Variants in GLRA2 observed in about 807,000 individuals in gnomAD.
The protein encoded by GLRA2 is glycine receptor alpha 2.
A neutral mutation model predicts 31.6 loss-of-function variants in GLRA2; 11 were observed. The observed-to-expected ratio is 0.35, with a 90% confidence interval of 0.22 to 0.58. The LOEUF (loss-of-function observed/expected upper bound fraction) is 0.58. GLRA2 is among the 20% of genes least tolerant of loss of function. GLRA2 has a pLI of 0.84. For synonymous variants in GLRA2, 132 were observed against 134.0 expected, an observed-to-expected ratio of 0.99 and a Z score of 0.10; for missense variants, 212 against 351.8, an observed-to-expected ratio of 0.60 and a Z score of 3.18.
At chrX:14,608,847 T>C in intron 6 of GLRA2, 144 bp from the exon 7 acceptor site, 1 of 435,226 alleles carries the variant, frequency 2.3e-6, no homozygotes, top group Non-Finnish European at 4.0e-6. Flanking sequence ...AGAGTTGAAT[T>C]GGTTACGTAG....
chrX:14,706,553 C>A (rs1425052173), intron 8 of GLRA2, among the ~76,000 whole-genome samples: 3 of 111,854 alleles, frequency 2.7e-5, no homozygotes, highest in African/African-American at 9.8e-5. Flanking sequence ...AGTAATTTAA[C>A]CCTATGTTGC....
chrX:14,636,393 G>A (rs2090710647), intron 7 of GLRA2, among the ~76,000 whole-genome samples: 2 of 110,669 alleles, frequency 1.8e-5, no homozygotes, highest in African/African-American at 3.3e-5. Context: ...ATATAACCTC[G>A]GTATGATGTG....
the GLRA2 span, among the ~76,000 whole-genome samples, chrX:14,451,110 G>A: frequency 9.0e-6 from 1 of 111,419 alleles, no homozygotes; most frequent in Non-Finnish European, 1.9e-5. Context: ...ATCACTAAGG[G>A]AATTTGTTAC....
chrX:14,662,177 T>C (rs988485068), intron 7 of GLRA2, among the ~76,000 whole-genome samples: 1 of 110,850 alleles, frequency 9.0e-6, no homozygotes, highest in Non-Finnish European at 1.9e-5. Flanking sequence ...ATTCCTTCTG[T>C]TGAGTTGTGA....
intron 7 of GLRA2, among the ~76,000 whole-genome samples, chrX:14,662,508 T>A (rs750176160): frequency 8.9e-6 from 1 of 112,106 alleles, no homozygotes; most frequent in Non-Finnish European, 1.9e-5. Context: ...ATTATCCTGA[T>A]AAGCATTCCA....
chrX:14,533,024 C>A (rs2089278305), intron 2 of GLRA2, among the ~76,000 whole-genome samples: 1 of 111,043 alleles, frequency 9.0e-6, no homozygotes, highest in African/African-American at 3.2e-5. Flanking sequence ...TTGAACATTA[C>A]AAAAATATAC....
intron 2 of GLRA2, among the ~76,000 whole-genome samples, chrX:14,541,702 A>G (rs1358524583): frequency 9.0e-6 from 1 of 111,689 alleles, no homozygotes; most frequent in Non-Finnish European, 1.9e-5. Flanking sequence ...AGAGTCTCTG[A>G]AAAGTGAATG....
intron 7 of GLRA2, among the ~76,000 whole-genome samples, chrX:14,621,692 C>G (rs1255400841): frequency 8.9e-6 from 1 of 112,018 alleles, no homozygotes; most frequent in Admixed American, 9.5e-5. Context: ...AGGAAATGAA[C>G]TCATCCTTTT....
chrX:14,506,875 G>A, the GLRA2 span, among the ~76,000 whole-genome samples: 18 of 111,669 alleles, frequency 1.6e-4, no homozygotes, highest in Non-Finnish European at 2.6e-4. Context: ...AAAGGATCAG[G>A]ACCAGAGAGG....
rs188713408 is a variant in GLRA2, at chrX:14,670,177, T to C, written c.931-20533T>C. Among the ~76,000 whole-genome samples, 73 of 111,848 alleles carry C rather than the reference T, an allele frequency of 6.5e-4. 1 individual carries two copies. Among genetic ancestry groups the C allele is most frequent in the African/African-American group, 2.3e-3 (70 of 30,791 alleles). ...CACCTTTGCTCTGGTTCCCAACAAG[T>C]TTCTTATCTCCACCTGAGATCACCT... On this transcript the variant is annotated intron_variant, in intron 7 of 8. Transcript: ENST00000218075.
At chrX:14,547,572 T>C (rs1322149292) in intron 2 of GLRA2, among the ~76,000 whole-genome samples, 1 of 111,107 alleles carries the variant, frequency 9.0e-6, no homozygotes, top group African/African-American at 3.3e-5. Context: ...AAGCCAAGCA[T>C]CTATATTGTC....
At chrX:14,575,953 T>C (rs1350474879) in intron 3 of GLRA2, among the ~76,000 whole-genome samples, 2 of 110,970 alleles carry the variant, frequency 1.8e-5, no homozygotes, top group African/African-American at 6.6e-5. Context: ...CATTACTATG[T>C]AAAGTTTACA....
intron 7 of GLRA2, among the ~76,000 whole-genome samples, chrX:14,685,660 A>T (rs1339598800): frequency 9.0e-6 from 1 of 111,141 alleles, no homozygotes; most frequent in Admixed American, 9.5e-5. Context: ...ATCGGTGGTG[A>T]TATCCCCTTT....
chrX:14,628,667 C>T (rs2090613437), intron 7 of GLRA2, among the ~76,000 whole-genome samples: 1 of 111,559 alleles, frequency 9.0e-6, no homozygotes, highest in African/African-American at 3.3e-5. Context: ...TGGCAGAGGA[C>T]AACCCCAGAA....
intron 7 of GLRA2, among the ~76,000 whole-genome samples, chrX:14,647,674 T>C (rs1228777714): frequency 8.9e-6 from 1 of 112,421 alleles, no homozygotes; most frequent in Non-Finnish European, 1.9e-5. Flanking sequence ...TTTGTGGTTA[T>C]GTAGATGAAG....
In GLRA2 at chrX:14,690,824, C is replaced by A. The variant is rs755514590; in HGVS notation, c.1045C>A (p.Leu349Met). The change falls in exon 8 of 9, where the codon CTG becomes ATG. Residue 349 changes from leucine to methionine, a missense_variant. Around this residue, in one of 5 missense-constraint regions of GLRA2, gnomAD observed 25 missense variants for 20.8 expected, o/e 1.20. Coordinates refer to ENST00000218075, the MANE Select transcript of GLRA2 (RefSeq NM_002063.4). ...CGTCTCCAGGCAACACAAGGAGTTC[C>A]TGCGCCTCCGAAGAAGACAGAAGAG... ...NFVSRQHKEF[L>M]RLRRRQKRQN... 8.3e-7 allele frequency: 1 copy of A among 1,208,124 alleles called. No homozygotes were observed. The highest frequency in any genetic ancestry group is 1.1e-6 in the Non-Finnish European group (1 of 892,433).
chrX:14,595,278 C>A (rs930919210), intron 4 of GLRA2, among the ~76,000 whole-genome samples: 1 of 111,602 alleles, frequency 9.0e-6, no homozygotes, highest in Non-Finnish European at 1.9e-5. Context: ...GTCAAAGAAG[C>A]CTTTAGCTAA....
At chrX:14,640,542 T>C (rs1481088931) in intron 7 of GLRA2, among the ~76,000 whole-genome samples, 4 of 111,506 alleles carry the variant, frequency 3.6e-5, no homozygotes, top group Non-Finnish European at 7.5e-5. Context: ...TTTATATATG[T>C]ATACATTTCA....
chrX:14,534,913 A>G (rs1363573973), intron 2 of GLRA2, among the ~76,000 whole-genome samples: 2 of 111,136 alleles, frequency 1.8e-5, no homozygotes, highest in Non-Finnish European at 3.8e-5. Context: ...AGGCTTAGAT[A>G]AACACTATAA....
Sources: gnomAD v4.1 joint callset for allele counts (sites outside exome capture counted in the v4.1 genomes callset) on GRCh38, gnomAD v4.1.1 for gene constraint, gnomAD v4.1.1 regional missense constraint, MANE v1.5 for transcripts, NCBI Gene and HGNC (gene_info 2026-07-23, HGNC 2026-07-21) for gene names.